RIT2: variants seen among roughly 807,000 people sequenced by gnomAD.
RIT2 encodes the protein Ras like without CAAX 2.
In RIT2, 24 loss-of-function variants were observed where a neutral mutation model predicts 23.7. The observed-to-expected ratio is 1.01, with a 90% CI of 0.73 to 1.43. The LOEUF (loss-of-function observed/expected upper bound fraction) is 1.43, where lower values mean the gene tolerates loss of function less well. Among genes scored for constraint, RIT2 ranks in the 40% most tolerant of loss-of-function variants. RIT2 has a pLI of 0.00. For missense variants in RIT2, 236 were observed against 266.9 expected, an observed-to-expected ratio of 0.88 and a Z score of 0.81; for synonymous variants, 107 against 91.1, an observed-to-expected ratio of 1.17 and a Z score of -0.99.
At chr18:43,019,089 G>T (rs1911538059) in intron 2 of RIT2, among the ~76,000 whole-genome samples, 1 of 151,836 alleles carries the variant, frequency 6.6e-6, no homozygotes, top group African/African-American at 2.4e-5. Context: ...CCACTTAAAA[G>T]ATATAGACTG....
At chr18:42,799,107 T>C (rs1182127275) in intron 4 of RIT2, among the ~76,000 whole-genome samples, 1 of 152,134 alleles carries the variant, frequency 6.6e-6, no homozygotes, top group Non-Finnish European at 1.5e-5. Context: ...GAAAAATAAA[T>C]AGGGCATCTC....
intron 4 of RIT2, among the ~76,000 whole-genome samples, chr18:42,774,130 T>C (rs529648857): frequency 1.4e-4 from 21 of 152,298 alleles, no homozygotes; most frequent in African/African-American, 4.6e-4. Flanking sequence ...TTGTAAAAGT[T>C]AAGAAAAGGA....
At chr18:43,019,932 T>C (rs1311190242) in intron 2 of RIT2, among the ~76,000 whole-genome samples, 13 of 151,428 alleles carry the variant, frequency 8.6e-5, no homozygotes, top group Non-Finnish European at 1.6e-4. Flanking sequence ...CAATCCCATC[T>C]ACAATAGTTA....
intron 1 of RIT2, among the ~76,000 whole-genome samples, chr18:43,053,723 G>A (rs531048177): frequency 6.6e-5 from 10 of 152,050 alleles, no homozygotes; most frequent in South Asian, 6.2e-4. Context: ...AAAATAAAAG[G>A]CATTATCAAA....
At chr18:42,789,559 T>C (rs1913995902) in intron 4 of RIT2, among the ~76,000 whole-genome samples, 1 of 152,210 alleles carries the variant, frequency 6.6e-6, no homozygotes, top group African/African-American at 2.4e-5. Flanking sequence ...CTTGGTTAAA[T>C]TTATTCCCAG....
chr18:43,068,226 A>C (rs1338745426), intron 1 of RIT2, among the ~76,000 whole-genome samples: 1 of 152,160 alleles, frequency 6.6e-6, no homozygotes, highest in Admixed American at 6.5e-5. Context: ...GGCTCACAAT[A>C]AATCTATGGA....
Position 42,928,611 on chromosome 18 carries a change from CAGA to C in RIT2, c.235-4851_235-4849del, listed in dbSNP as rs1909243360. On this transcript the variant is annotated intron_variant, in intron 3 of 4. Transcript: ENST00000326695. ...TATTTGTATCTTTTAAATGAAAATA[CAGA>C]AAAAATTATAAAGGATTAAAGTCTA... 5.3e-5 allele frequency among the ~76,000 whole-genome samples: 8 copies of C among 151,860 alleles called. No individual in the cohort carries two copies. In the South Asian group the frequency reaches 1.7e-3, roughly 32 times the overall value.
intron 4 of RIT2, among the ~76,000 whole-genome samples, chr18:42,744,818 G>C (rs1161921018): frequency 6.6e-6 from 1 of 152,072 alleles, no homozygotes; most frequent in African/African-American, 2.4e-5. Context: ...CACCATTATG[G>C]GTAAATAAGT....
At chr18:43,056,346 A>C (rs2144315993) in intron 1 of RIT2, among the ~76,000 whole-genome samples, 1 of 152,220 alleles carries the variant, frequency 6.6e-6, no homozygotes, top group African/African-American at 2.4e-5. Context: ...ACACTACAGC[A>C]CACTGAATCA....
At chr18:43,104,665 T>C (rs1913766559) in intron 1 of RIT2, among the ~76,000 whole-genome samples, 1 of 152,100 alleles carries the variant, frequency 6.6e-6, no homozygotes, top group Non-Finnish European at 1.5e-5. Flanking sequence ...AGTCCTAAGA[T>C]AATTATATTG....
intron 2 of RIT2, among the ~76,000 whole-genome samples, chr18:43,015,272 A>G (rs962220239): frequency 6.6e-6 from 1 of 151,670 alleles, no homozygotes; most frequent in African/African-American, 2.4e-5. Flanking sequence ...AAGAGAAGTG[A>G]GTAAAAAGAG....
chr18:43,082,439 CA>C (rs1402174627), intron 1 of RIT2, among the ~76,000 whole-genome samples: 10 of 152,122 alleles, frequency 6.6e-5, no homozygotes, highest in Admixed American at 3.9e-4. Context: ...AACAAAATTT[CA>C]GGCCAATATC....
At chr18:43,015,200 A>G (rs1598748574) in intron 2 of RIT2, among the ~76,000 whole-genome samples, 2 of 151,818 alleles carry the variant, frequency 1.3e-5, no homozygotes, top group Non-Finnish European at 3.0e-5. Flanking sequence ...CAGTCATGAG[A>G]GTGAGAATAT....
chr18:43,082,716 T>C (rs1913186657), intron 1 of RIT2, among the ~76,000 whole-genome samples: 1 of 151,538 alleles, frequency 6.6e-6, no homozygotes, highest in African/African-American at 2.4e-5. Context: ...AAACTAGGTA[T>C]TGATGGAACA....
At chr18:42,974,415 G>T (rs1289638687) in intron 2 of RIT2, among the ~76,000 whole-genome samples, 1 of 151,886 alleles carries the variant, frequency 6.6e-6, no homozygotes, top group East Asian at 1.9e-4. Context: ...GAAAAACATG[G>T]AACAAATGTT....
At chr18:43,005,359 GGGAA>G (rs1911203314) in intron 2 of RIT2, among the ~76,000 whole-genome samples, 1 of 151,754 alleles carries the variant, frequency 6.6e-6, no homozygotes, top group Non-Finnish European at 1.5e-5. Context: ...TGTTTACAAA[GGGAA>G]TATTTAAAAT....
At chr18:42,888,878 A>G (rs1197644195) in intron 4 of RIT2, among the ~76,000 whole-genome samples, 5 of 152,082 alleles carry the variant, frequency 3.3e-5, no homozygotes, top group Non-Finnish European at 7.4e-5. Flanking sequence ...GTGGACATAA[A>G]CATGGAAACA....
intron 4 of RIT2, among the ~76,000 whole-genome samples, chr18:42,887,511 A>T (rs1908053811): frequency 6.6e-6 from 1 of 152,198 alleles, no homozygotes. Flanking sequence ...AAATGCTGGC[A>T]AAGATGTGCA....
At chr18:42,770,529 G>A (rs1356339797) in intron 4 of RIT2, among the ~76,000 whole-genome samples, 1 of 152,168 alleles carries the variant, frequency 6.6e-6, no homozygotes, top group African/African-American at 2.4e-5. Context: ...TTCTGAACTA[G>A]ACAGTGACAA....
Sources: gnomAD v4.1 joint callset for allele counts (sites outside exome capture counted in the v4.1 genomes callset) on GRCh38, gnomAD v4.1.1 for gene constraint, MANE v1.5 for transcripts, NCBI Gene and HGNC (gene_info 2026-07-23, HGNC 2026-07-21) for gene names.